Variants in DHPS observed in about 807,000 individuals in gnomAD.
DHPS encodes the protein migration-inducing gene 13.
A neutral mutation model predicts 38.7 loss-of-function variants in DHPS; 24 were observed. That is an observed-to-expected ratio of 0.62 (90% CI 0.45 to 0.87). DHPS has a LOEUF of 0.87. Ranked by LOEUF, DHPS falls within the 40% of genes least tolerant of loss-of-function variation. DHPS has a pLI of 0.00. For missense variants in DHPS, 510 were observed against 497.6 expected (o/e 1.02, Z -0.24); for synonymous variants, 250 against 204.4 (o/e 1.22, Z -1.90).
chr19:12,678,847 G>A (rs1018952150), intron 5 of DHPS, among the ~76,000 whole-genome samples: 5 of 148,074 alleles, frequency 3.4e-5, no homozygotes, highest in Admixed American at 6.8e-5. Context: ...ATTAAAGGGA[G>A]TGGGTAGCTC....
intron 3 of DHPS, 32 bp downstream of exon 3, chr19:12,679,769 C>A (rs775702897): frequency 6.2e-7 from 1 of 1,614,060 alleles, no homozygotes; most frequent in Non-Finnish European, 8.5e-7. Context: ...CTTGGTCCAG[C>A]TCCCCTGCCC....
downstream of DHPS, chr19:12,672,873 A>G (rs2024463019): frequency 1.9e-6 from 3 of 1,593,994 alleles, no homozygotes; most frequent in Non-Finnish European, 2.6e-6. Context: ...GTGAGACGCT[A>G]TGACCTAAGG....
intron 1 of DHPS, chr19:12,681,243 C>T: frequency 7.8e-7 from 1 of 1,275,782 alleles, no homozygotes; most frequent in Non-Finnish European, 1.0e-6. Flanking sequence ...CTCCTCCTCC[C>T]ATATCCTCCC....
intron 7 of DHPS, chr19:12,676,890 A>G (rs538918582): frequency 1.8e-6 from 1 of 567,448 alleles, no homozygotes; most frequent in Admixed American, 3.0e-5. Context: ...CTTGTTGGAC[A>G]GCACCCCTTT....
Position 12,680,153 on chromosome 19 carries a change from G to C in DHPS, c.372+8C>G, listed in dbSNP as rs771950492. On this transcript the variant is annotated splice_region_variant and intron_variant, in intron 2 of 8. Coordinates refer to ENST00000210060, the MANE Select transcript of DHPS (RefSeq NM_001930.4). ...GAGGCCAAGGCCACGGCCTCACCAG[G>C]TCCCCACCATGTTGTGCTGCACAAG... 4 of 1,613,858 alleles carry C rather than the reference G, an allele frequency of 2.5e-6. No individual in the cohort carries two copies. The highest frequency in any genetic ancestry group is 1.1e-5 in the South Asian group (1 of 91,068).
At chr19:12,676,937 A>G (rs2024610014) in intron 7 of DHPS, 171 bp downstream of exon 7, 1 of 634,080 alleles carries the variant, frequency 1.6e-6, no homozygotes, top group African/African-American at 1.8e-5. Context: ...CCCCGTAGCA[A>G]TGACTGCCCC....
At chr19:12,679,332 T>C (rs1223202069) in intron 5 of DHPS, 125 bp downstream of exon 5, 2 of 944,612 alleles carry the variant, frequency 2.1e-6, no homozygotes, top group Non-Finnish European at 3.3e-6. Flanking sequence ...TATCTGTGTT[T>C]GAGTCTCCTC....
Position 12,675,751 on chromosome 19 carries a change from C to G in DHPS, c.*87G>C. 6.4e-7 allele frequency: 1 copy of G among 1,566,960 alleles called. No individual in the cohort carries two copies. Among genetic ancestry groups the G allele is most frequent in the South Asian group, 1.1e-5 (1 of 87,036 alleles). On this transcript the variant is annotated 3_prime_UTR_variant, in exon 9 of 9. Coordinates refer to ENST00000210060, the MANE Select transcript of DHPS (RefSeq NM_001930.4). ...TTCAGATACCATCTTATTCTAGAGA[C>G]GTAGCTGACCAAAAAGTAGGGGAGG...
At chr19:12,676,543 G>C in intron 7 of DHPS, 1 of 221,178 alleles carries the variant, frequency 4.5e-6, no homozygotes. Context: ...GGGAACCCGA[G>C]TCAAGTCCTC....
At chr19:12,676,516 G>A (rs572224011) in intron 7 of DHPS, 3 of 229,984 alleles carry the variant, frequency 1.3e-5, no homozygotes, top group Non-Finnish European at 2.6e-5. Flanking sequence ...TCACCACATG[G>A]CCACCAGGGG....
downstream of DHPS, chr19:12,675,539 C>T: frequency 6.2e-7 from 1 of 1,605,490 alleles, no homozygotes. Context: ...CTGGCTCTGG[C>T]CCTGCCTGTG....
chr19:12,674,818 C>T (rs945368248), downstream of DHPS, among the ~76,000 whole-genome samples: 4 of 151,900 alleles, frequency 2.6e-5, no homozygotes, highest in Non-Finnish European at 5.9e-5. Context: ...ACATGTGGTA[C>T]AAGAAAAAGA....
At chr19:12,673,410 CTTTTTTTTTTTTTTT>C, downstream of DHPS, 2 of 247,280 alleles carry the variant, frequency 8.1e-6, no homozygotes, top group African/African-American at 4.0e-5. Flanking sequence ...AGGCTAGGAT[CTTTTTTTTTTTTTTT>C]TTTTTTTTTT....
Position 12,679,903 on chromosome 19 carries a change from G to A in DHPS, c.392C>T (p.Thr131Ile). ...GAGGTCTTCCTCCACGCCGCCAGCT[G>A]TGGTCACCAATACGTCCACCTGCAG... ...QHNMVDVLVT[T>I]AGGVEEDLIK... Residue 131 changes from threonine to isoleucine, a missense_variant, in exon 3 of 9, where the codon ACA becomes ATA. Coordinates refer to ENST00000210060, the MANE Select transcript of DHPS (RefSeq NM_001930.4). 1 of 1,613,828 alleles carries A rather than the reference G, an allele frequency of 6.2e-7. No homozygotes were observed. Among genetic ancestry groups the A allele is most frequent in the Middle Eastern group, 1.7e-4 (1 of 6,060 alleles).
Position 12,680,307 on chromosome 19 carries a change from G to A in DHPS, c.226C>T (p.Pro76Ser). 1.2e-6 allele frequency: 2 copies of A among 1,614,144 alleles called. No homozygotes were observed. Among genetic ancestry groups the A allele is most frequent in the Non-Finnish European group, 1.7e-6 (2 of 1,180,024 alleles). ...VNAMIEKKLE[P>S]LSQDEDQHAD... Reference sequence around the variant, plus strand: ...TGCTGGTCTTCATCCTGTGACAGTGGTTCCAGCTTCTTCTCGATCTGTGAG... The same window carrying A: ...TGCTGGTCTTCATCCTGTGACAGTGATTCCAGCTTCTTCTCGATCTGTGAG... Residue 76 changes from proline to serine, a missense_variant, in exon 2 of 9, where the codon CCA (proline) becomes TCA (serine). Coordinates refer to ENST00000210060, the MANE Select transcript of DHPS (RefSeq NM_001930.4).
rs1568320169 is a variant in DHPS at position 12,680,345 on chromosome 19, CAAGTT to C, written c.208-25_208-21del. ...CTCGATCTGTGAGTAAGGGCCAAGT[CAAGTT>C]AAGCACTGGCCTTAAATCCCAGACT... On this transcript the variant is annotated intron_variant, in intron 1 of 8. Coordinates refer to ENST00000210060, the MANE Select transcript of DHPS (RefSeq NM_001930.4). The C allele has an allele frequency of 1.2e-6, 2 of 1,613,678 alleles. No homozygotes were observed. Among genetic ancestry groups the C allele is most frequent in the African/African-American group, 1.3e-5 (1 of 74,898 alleles).
At position 12,681,667 on chromosome 19, in the gene DHPS, A is replaced by G; in HGVS notation, c.100T>C (p.Tyr34His). Reference protein sequence around the residue: ...LPPESTQVRGYDFNRGVNYRA... With the variant: ...LPPESTQVRGHDFNRGVNYRA... ...TAATTCACACCGCGGTTGAAGTCGT[A>G]GCCCCGGACCTGGGTGCTTTCGGGC... The change falls in exon 1 of 9, where the codon TAC becomes CAC. Residue 34 changes from tyrosine (Y) to histidine (H), a missense_variant. Physicochemically the swap from Tyr to His is moderately conservative, Grantham distance 83 (BLOSUM62 2). Transcript: ENST00000210060. The G allele has an allele frequency of 1.2e-6, 2 of 1,614,222 alleles. No individual in the cohort carries two copies. The highest frequency in any genetic ancestry group is 1.1e-5 in the South Asian group (1 of 91,090).
chr19:12,676,418 CT>C lies in DHPS; in HGVS notation c.889-277del, dbSNP rs2024590586. On this transcript the variant is annotated intron_variant, in intron 7 of 8. Coordinates refer to ENST00000210060, the MANE Select transcript of DHPS (RefSeq NM_001930.4). ...GCCAGCAACTCTATCTTCAGAAGCCCTCCAAATCCAACCACCGCCTGCCTCC... is the reference window on the plus strand; with the variant it reads ...GCCAGCAACTCTATCTTCAGAAGCCCCCAAATCCAACCACCGCCTGCCTCC... 4 of 434,770 alleles carry C rather than the reference CT, an allele frequency of 9.2e-6. No individual in the cohort carries two copies. The South Asian group carries it at 1.1e-4, about 12-fold the overall frequency. 26.9% of individuals were successfully genotyped at this position (434,770 alleles called of 1,614,324 possible).
chr19:12,676,971 CT>C, intron 7 of DHPS, 136 bp downstream of exon 7: 2 of 742,842 alleles, frequency 2.7e-6, no homozygotes, highest in Non-Finnish European at 4.5e-6. Flanking sequence ...CACTTGTTTG[CT>C]ATCTCCCCTA....
Sources: allele counts gnomAD v4.1 joint callset (sites outside exome capture counted in the v4.1 genomes callset), GRCh38; gene constraint gnomAD v4.1.1; transcripts MANE v1.5; gene names NCBI Gene and HGNC (gene_info 2026-07-23, HGNC 2026-07-21).